Variants in SLC4A8 observed in about 807,000 individuals in gnomAD.
SLC4A8 encodes the protein electroneutral sodium bicarbonate exchanger 1.
Under a neutral mutation model 125.0 loss-of-function variants are expected in SLC4A8, and 40 were observed. That is an observed-to-expected ratio of 0.32 (90% CI 0.25 to 0.42). The LOEUF is 0.42. Ranked by LOEUF, SLC4A8 falls within the 10% of genes least tolerant of loss-of-function variation. The pLI is 1.00. For synonymous variants in SLC4A8, 456 were observed against 476.0 expected, an observed-to-expected ratio of 0.96 and a Z score of 0.55; for missense variants, 863 against 1,355.1, an observed-to-expected ratio of 0.64 and a Z score of 5.70.
intron 2 of SLC4A8, among the ~76,000 whole-genome samples, chr12:51,441,419 C>A (rs1949592131): frequency 6.6e-6 from 1 of 152,162 alleles, no homozygotes; most frequent in African/African-American, 2.4e-5. Context: ...CTCTTCCTTT[C>A]TCTGCACCTC....
intron 20 of SLC4A8, chr12:51,494,462 T>C (rs2060579046): frequency 6.6e-6 from 1 of 151,340 alleles, no homozygotes; most frequent in Admixed American, 6.6e-5. Flanking sequence ...AGTTCTACTA[T>C]GAACTTGGGC....
intron 1 of SLC4A8, among the ~76,000 whole-genome samples, chr12:51,416,551 G>A (rs757701550): frequency 6.6e-5 from 10 of 152,102 alleles, no homozygotes; most frequent in Non-Finnish European, 1.2e-4. Context: ...GCTGAGGTAC[G>A]AGAATCACTT....
At position 51,514,531 on chromosome 12, in the gene SLC4A8, G is replaced by A. The variant is rs1241292550; in HGVS notation, c.*7093G>A. 6.6e-6 allele frequency: 1 copy of A among 152,214 alleles called. No individual in the cohort carries two copies. The highest frequency in any genetic ancestry group is 1.9e-4 in the East Asian group (1 of 5,194). The allele number at this position is 152,214 out of a possible 1,614,324, so 9.4% of individuals were successfully genotyped here. Reference sequence around the variant, plus strand: ...AGCTGGGGGTGCTGAGAATGGTGAGGAGTTGGACAGTCCCGGGGCTTTTTT... The same window carrying A: ...AGCTGGGGGTGCTGAGAATGGTGAGAAGTTGGACAGTCCCGGGGCTTTTTT... On this transcript the variant is annotated 3_prime_UTR_variant, in exon 25 of 25. Coordinates refer to ENST00000453097, the MANE Select transcript of SLC4A8 (RefSeq NM_001039960.3).
chr12:51,497,186 C>G lies in SLC4A8; in HGVS notation c.3081+62C>G, dbSNP rs1487544356. On this transcript the variant is annotated intron_variant, in intron 22 of 24. Coordinates refer to ENST00000453097, the MANE Select transcript of SLC4A8 (RefSeq NM_001039960.3). ...TCAAATTACAGAACATAGGAAGGGT[C>G]ATGTGAAAAGTCAGCATGTCTGGAA... 4.6e-6 allele frequency: 7 copies of G among 1,521,744 alleles called. No homozygotes were observed. In the South Asian group the frequency reaches 6.4e-5, roughly 14 times the overall value. 94.3% of individuals were successfully genotyped at this position (1,521,744 alleles called of 1,614,324 possible). A position where few individuals can be genotyped will look rare whatever the true frequency, so the allele number is the denominator to read the frequency against.
chr12:51,394,141 C>T (rs1472447543), intron 1 of SLC4A8, among the ~76,000 whole-genome samples: 1 of 152,208 alleles, frequency 6.6e-6, no homozygotes, highest in Non-Finnish European at 1.5e-5. Context: ...TGAATGGCCC[C>T]TATTCCTTCC....
chr12:51,407,804 G>A (rs547583129), intron 1 of SLC4A8: 2 of 152,306 alleles, frequency 1.3e-5, no homozygotes, highest in East Asian at 3.8e-4. Context: ...GTTCCCTAGG[G>A]CTGCTATAAC....
chr12:51,513,177 G>A lies in SLC4A8; in HGVS notation c.*5739G>A, dbSNP rs1938423598. ...TAACTTTTAGGGAAGGGTAGGTCTG[G>A]AGAGAAGGTGAAGACCAGCAGAAAT... On this transcript the variant is annotated 3_prime_UTR_variant, in exon 25 of 25. Transcript: ENST00000453097. 1 of 152,244 alleles carries A rather than the reference G, an allele frequency of 6.6e-6. No individual in the cohort carries two copies. The highest frequency in any genetic ancestry group is 2.4e-5 in the African/African-American group (1 of 41,466). The allele number at this position is 152,244 out of a possible 1,614,324, so 9.4% of individuals were successfully genotyped here. A position where few individuals can be genotyped will look rare whatever the true frequency, so the allele number is the denominator to read the frequency against.
chr12:51,429,891 C>G (rs925283386), intron 1 of SLC4A8, among the ~76,000 whole-genome samples: 1 of 151,548 alleles, frequency 6.6e-6, no homozygotes, highest in South Asian at 2.1e-4. Context: ...AAGGAAAGCC[C>G]CTACTTTGGA....
chr12:51,460,618 G>A (rs1323016079), intron 8 of SLC4A8, among the ~76,000 whole-genome samples: 4 of 152,164 alleles, frequency 2.6e-5, no homozygotes, highest in African/African-American at 9.7e-5. Context: ...ATATTCCAGG[G>A]GAACGTCTCT....
intron 10 of SLC4A8, among the ~76,000 whole-genome samples, chr12:51,463,215 AT>A (rs1225384236): frequency 6.6e-6 from 1 of 152,148 alleles, no homozygotes; most frequent in Non-Finnish European, 1.5e-5. Flanking sequence ...CTCAAAAGAT[AT>A]TGTTATCTCT....
intron 1 of SLC4A8, among the ~76,000 whole-genome samples, chr12:51,405,875 C>T (rs1009267450): frequency 3.9e-5 from 6 of 152,132 alleles, no homozygotes; most frequent in South Asian, 2.1e-4. Flanking sequence ...AAATACCACA[C>T]GTAAGAGGTG....
rs1256786664 is a variant in SLC4A8 at position 51,493,860 on chromosome 12, A to G, written c.2769+88A>G. The G allele has an allele frequency of 4.7e-6, 4 of 847,120 alleles. 1 individual carries two copies. The Admixed American group carries it at 5.4e-5, about 12-fold the overall frequency. 52.5% of individuals were successfully genotyped at this position (847,120 alleles called of 1,614,324 possible). On this transcript the variant is annotated intron_variant, in intron 20 of 24. Transcript: ENST00000453097. ...AGGGACAGCTCCCCAAGAGAAGCAC[A>G]ACCAGTTCTTGAGAAAATTGTTTCC...
intron 4 of SLC4A8, among the ~76,000 whole-genome samples, chr12:51,452,801 G>T (rs1448919463): frequency 6.6e-6 from 1 of 152,196 alleles, no homozygotes; most frequent in East Asian, 1.9e-4. Flanking sequence ...GCTTCTCTGA[G>T]ACTCAAATCC....
intron 16 of SLC4A8, among the ~76,000 whole-genome samples, chr12:51,485,417 G>A (rs941747929): frequency 1.3e-5 from 2 of 152,180 alleles, no homozygotes; most frequent in African/African-American, 2.4e-5. Context: ...TATTGGGTAT[G>A]AGGGAGAAGT....
intron 16 of SLC4A8, among the ~76,000 whole-genome samples, chr12:51,477,279 G>A (rs967870333): frequency 2.5e-4 from 38 of 152,198 alleles, no homozygotes; most frequent in Admixed American, 1.3e-3. Context: ...GTGAATGTGT[G>A]TGAAAGTGTG....
intron 6 of SLC4A8, among the ~76,000 whole-genome samples, chr12:51,457,910 C>G (rs555479030): frequency 6.6e-6 from 1 of 152,164 alleles, no homozygotes; most frequent in Non-Finnish European, 1.5e-5. Context: ...GTAGAGTAGG[C>G]TCTGGAGTCA....
chr12:51,444,607 A>C (rs1184642262), intron 2 of SLC4A8, among the ~76,000 whole-genome samples: 1 of 152,218 alleles, frequency 6.6e-6, no homozygotes, highest in Non-Finnish European at 1.5e-5. Flanking sequence ...TCACTCAGCA[A>C]ACATTTACTA....
intron 1 of SLC4A8, among the ~76,000 whole-genome samples, chr12:51,426,886 G>T (rs1008164743): frequency 1.3e-5 from 2 of 151,746 alleles, no homozygotes; most frequent in Non-Finnish European, 2.9e-5. Flanking sequence ...GAGAGAGAGA[G>T]AGGGCATGAG....
At chr12:51,487,310 T>C (rs1951186906) in intron 17 of SLC4A8, among the ~76,000 whole-genome samples, 1 of 152,204 alleles carries the variant, frequency 6.6e-6, no homozygotes, top group South Asian at 2.1e-4. Flanking sequence ...GGGTATCACG[T>C]CATTAAGGGT....
Sources: gnomAD v4.1 joint callset for allele counts (sites outside exome capture counted in the v4.1 genomes callset) on GRCh38, gnomAD v4.1.1 for gene constraint, MANE v1.5 for transcripts, NCBI Gene and HGNC (gene_info 2026-07-23, HGNC 2026-07-21) for gene names.